The following RING1 variants were observed in gnomAD, a reference collection of about 807,000 sequenced individuals.
The protein encoded by RING1 is E3 ubiquitin-protein ligase RING1.
Under a neutral mutation model 35.0 loss-of-function variants are expected in RING1, and 8 were observed. The observed-to-expected ratio is 0.23, with a 90% CI of 0.13 to 0.41. RING1 has a LOEUF of 0.41. Among genes scored for constraint, RING1 ranks in the 10% least tolerant of loss-of-function variants. RING1 has a pLI of 1.00. For missense variants in RING1, 343 were observed against 546.8 expected (o/e 0.63, Z 3.72); for synonymous variants, 214 against 224.3 (o/e 0.95, Z 0.41).
chr6:33,212,639 G>T lies in RING1; in HGVS notation c.*240G>T. The T allele has an allele frequency of 2.4e-6, 1 of 418,914 alleles. No individual in the cohort carries two copies. The highest frequency in any genetic ancestry group is 3.5e-5 in the East Asian group (1 of 28,382). The allele number at this position is 418,914 out of a possible 1,614,324, so 25.9% of individuals were successfully genotyped here. A position where few individuals can be genotyped will look rare whatever the true frequency, so the allele number is the denominator to read the frequency against. On this transcript the variant is annotated 3_prime_UTR_variant, in exon 7 of 7. Coordinates refer to ENST00000374656, the MANE Select transcript of RING1 (RefSeq NM_002931.4). The stretch of plus-strand genomic sequence containing the variant: ...TTGCCCTGCAACGTCCCATCTATAC[G>T]AGGTGTTGGAGAAGGTGAAGAACCC...
At position 33,211,681 on chromosome 6, in the gene RING1, C is replaced by T; in HGVS notation, c.846-48C>T. ...TTTTGGAAAGCCCCTACCTCCAGTC[C>T]TCATCTGAGGCGCTCTGGCTCTAAG... is the stretch of plus-strand genomic sequence containing the variant. On this transcript the variant is annotated intron_variant, in intron 5 of 6. Transcript: ENST00000374656. The surrounding 1 kb of genome is among the most constrained non-coding windows in gnomAD (Gnocchi z 6.3). 1 of 1,535,740 alleles carries T rather than the reference C, an allele frequency of 6.5e-7. No individual in the cohort carries two copies. The highest frequency in any genetic ancestry group is 8.7e-7 in the Non-Finnish European group (1 of 1,143,404).
rs1331451943 is a variant in RING1, at chr6:33,211,458, C to T, written c.756C>T (p.Ala252=). The part of the protein sequence containing the change: ...GTLGPPSPPG[A]PSPPEPGGEI... ...TGGGCCCCCCAAGCCCTCCTGGGGC[C>T]CCCAGCCCCCCAGAGCCAGGTGGAG... Residue 252 remains alanine (A), a synonymous_variant, in exon 5 of 7, where the codon GCC becomes GCT. Transcript: ENST00000374656. The surrounding 1 kb of genome is among the most constrained non-coding windows in gnomAD (Gnocchi z 6.3). 6.9e-6 allele frequency: 11 copies of T among 1,597,054 alleles called. No homozygotes were observed. The highest frequency in any genetic ancestry group is 8.5e-6 in the Non-Finnish European group (10 of 1,171,066).
chr6:33,211,437 C>A lies in RING1; in HGVS notation c.735C>A (p.Gly245=), dbSNP rs1775529122. 6.3e-7 allele frequency: 1 copy of A among 1,576,452 alleles called. No individual in the cohort carries two copies. The highest frequency in any genetic ancestry group is 2.3e-5 in the East Asian group (1 of 42,934). The change falls in exon 5 of 7, where the codon GGC becomes GGA. Residue 245 remains glycine, a synonymous_variant. Coordinates refer to ENST00000374656, the MANE Select transcript of RING1 (RefSeq NM_002931.4). This position sits in a 1 kb window ranked among gnomAD's most constrained non-coding sequence, Gnocchi z 6.3. ...RGGTLGGGTL[G]PPSPPGAPSP... ...GGACTCTGGGAGGGGGAACGCTGGG[C>A]CCCCCAAGCCCTCCTGGGGCCCCCA...
At chr6:33,212,100 T>C in intron 6 of RING1, 98 bp downstream of exon 6, 1 of 985,896 alleles carries the variant, frequency 1.0e-6, no homozygotes, top group East Asian at 2.6e-5. Flanking sequence ...TCAGCACTCT[T>C]CCCCTATACA....
At position 33,212,663 on chromosome 6, in the gene RING1, C is replaced by T; in HGVS notation, c.*264C>T. 5.2e-6 allele frequency: 2 copies of T among 382,016 alleles called. No homozygotes were observed. Among genetic ancestry groups the T allele is most frequent in the Non-Finnish European group, 9.3e-6 (2 of 215,126 alleles). The allele number at this position is 382,016 out of a possible 1,614,324, so 23.7% of individuals were successfully genotyped here. On this transcript the variant is annotated 3_prime_UTR_variant, in exon 7 of 7. Transcript: ENST00000374656. ...CGAGGTGTTGGAGAAGGTGAAGAAC[C>T]CTCCCATTCACGCCCGCCTACCAAC...
chr6:33,208,741 T>G lies in RING1; in HGVS notation c.-58-24T>G. 1.9e-6 allele frequency: 2 copies of G among 1,030,870 alleles called. No homozygotes were observed. Among genetic ancestry groups the G allele is most frequent in the Non-Finnish European group, 2.8e-6 (2 of 726,994 alleles). 63.9% of individuals were successfully genotyped at this position (1,030,870 alleles called of 1,614,324 possible). A position where few individuals can be genotyped will look rare whatever the true frequency, so the allele number is the denominator to read the frequency against. ...GCGAGGGGCGGCCCCCCTGACGCCCTCCTCCCCTTCCCCCCACCCCCAGCC... is the reference window on the plus strand; with the variant it reads ...GCGAGGGGCGGCCCCCCTGACGCCCGCCTCCCCTTCCCCCCACCCCCAGCC... On this transcript the variant is annotated intron_variant, in intron 1 of 6. Transcript: ENST00000374656. The surrounding 1 kb of genome is among the most constrained non-coding windows in gnomAD (Gnocchi z 6.2).
At chr6:33,210,441 A>C (rs1341997880) in intron 4 of RING1, among the ~76,000 whole-genome samples, 1 of 152,030 alleles carries the variant, frequency 6.6e-6, no homozygotes, top group Non-Finnish European at 1.5e-5. Flanking sequence ...TCTCTACAAC[A>C]AATTAAACAT....
chr6:33,211,308 A>T lies in RING1; in HGVS notation c.606A>T (p.Arg202=), dbSNP rs576041574. 1 of 1,469,026 alleles carries T rather than the reference A, an allele frequency of 6.8e-7. No individual in the cohort carries two copies. The highest frequency in any genetic ancestry group is 1.6e-5 in the African/African-American group (1 of 63,016). 91.0% of individuals were successfully genotyped at this position (1,469,026 alleles called of 1,614,324 possible). The change falls in exon 5 of 7, where the codon CGA becomes CGT. Residue 202 remains arginine, a synonymous_variant. Transcript: ENST00000374656. This position sits in a 1 kb window ranked among gnomAD's most constrained non-coding sequence, Gnocchi z 6.3. ...CTGCCCCAGGCCCTGCTCCCAAGCGACCCCGTGGAGGGGGCGCAGGGGGGA... is the reference window on the plus strand; with the variant it reads ...CTGCCCCAGGCCCTGCTCCCAAGCGTCCCCGTGGAGGGGGCGCAGGGGGGA... ...PDSAPGPAPK[R]PRGGGAGGSS...
chr6:33,210,231 C>T, intron 4 of RING1, 101 bp downstream of exon 4: 2 of 1,039,548 alleles, frequency 1.9e-6, no homozygotes, highest in Non-Finnish European at 1.4e-6. Context: ...GAGCTGACCA[C>T]AGACTGATCA....
intron 6 of RING1, 130 bp downstream of exon 6, chr6:33,212,132 C>G: frequency 1.2e-6 from 1 of 850,690 alleles, no homozygotes; most frequent in Non-Finnish European, 1.8e-6. Context: ...TTTCTATGTC[C>G]CCTCTCCTTT....
chr6:33,209,006 C>T lies in RING1; in HGVS notation c.78+106C>T, dbSNP rs1424920145. On this transcript the variant is annotated intron_variant, in intron 2 of 6. Coordinates refer to ENST00000374656, the MANE Select transcript of RING1 (RefSeq NM_002931.4). The surrounding 1 kb of genome is among the most constrained non-coding windows in gnomAD (Gnocchi z 5.1). ...CGTAATTTGCTCTATTCTGCCTTGCCTGGCCCTACCTTTGAATCACCTTAA... is the reference window on the plus strand; with the variant it reads ...CGTAATTTGCTCTATTCTGCCTTGCTTGGCCCTACCTTTGAATCACCTTAA... 4 of 929,326 alleles carry T rather than the reference C, an allele frequency of 4.3e-6. No individual in the cohort carries two copies. The highest frequency in any genetic ancestry group is 1.6e-5 in the African/African-American group (1 of 61,378). The allele number at this position is 929,326 out of a possible 1,614,324, so 57.6% of individuals were successfully genotyped here. A position where few individuals can be genotyped will look rare whatever the true frequency, so the allele number is the denominator to read the frequency against.
In RING1 at chr6:33,209,136, A is replaced by T; in HGVS notation, c.78+236A>T. 2.9e-6 allele frequency: 2 copies of T among 696,066 alleles called. No individual in the cohort carries two copies. 43.1% of individuals were successfully genotyped at this position (696,066 alleles called of 1,614,324 possible). A position where few individuals can be genotyped will look rare whatever the true frequency, so the allele number is the denominator to read the frequency against. On this transcript the variant is annotated intron_variant, in intron 2 of 6. Coordinates refer to ENST00000374656, the MANE Select transcript of RING1 (RefSeq NM_002931.4). This position sits in a 1 kb window ranked among gnomAD's most constrained non-coding sequence, Gnocchi z 5.1. Reference sequence around the variant, plus strand: ...CTTCATTTGAAAGATCACAAACACAAAAATTACCTTCCCTGTTCCTCATTC... The same window carrying T: ...CTTCATTTGAAAGATCACAAACACATAAATTACCTTCCCTGTTCCTCATTC...
At chr6:33,212,039 A>G in intron 6 of RING1, 37 bp downstream of exon 6, 1 of 1,464,102 alleles carries the variant, frequency 6.8e-7, no homozygotes, top group Non-Finnish European at 9.1e-7. Context: ...AAGAGGGGAG[A>G]GGAGGGAGGG....
At chr6:33,210,240 C>A in intron 4 of RING1, 110 bp downstream of exon 4, 1 of 930,150 alleles carries the variant, frequency 1.1e-6, no homozygotes, top group Non-Finnish European at 1.7e-6. Context: ...ACAGACTGAT[C>A]ATTAGGGCTG....
In RING1 at chr6:33,208,887, A is replaced by T. The variant is rs1403500800; in HGVS notation, c.65A>T (p.His22Leu). 1 of 1,612,234 alleles carries T rather than the reference A, an allele frequency of 6.2e-7. No homozygotes were observed. The highest frequency in any genetic ancestry group is 8.5e-7 in the Non-Finnish European group (1 of 1,179,732). ...TGGGAACTGAGTCTGTATGAGCTGC[A>T]CCGGACCCCGCAGGTGACAGGCATT... The part of the protein sequence containing the change: ...KTWELSLYEL[H>L]RTPQEAIMDG... Residue 22 changes from histidine (H) to leucine (L), a missense_variant, in exon 2 of 7, where the codon CAC (histidine) becomes CTC (leucine). Coordinates refer to ENST00000374656, the MANE Select transcript of RING1 (RefSeq NM_002931.4). The surrounding 1 kb of genome is among the most constrained non-coding windows in gnomAD (Gnocchi z 6.2).
In RING1 at chr6:33,211,416, T is replaced by C. The variant is rs1194563948; in HGVS notation, c.714T>C (p.Thr238=). The C allele has an allele frequency of 4.5e-6, 7 of 1,562,290 alleles. No individual in the cohort carries two copies. The highest frequency in any genetic ancestry group is 3.8e-5 in the Admixed American group (2 of 52,230). Reference sequence around the variant, plus strand: ...AAGACTCTGGTGACCGGGGAGGGACTCTGGGAGGGGGAACGCTGGGCCCCC... The same window carrying C: ...AAGACTCTGGTGACCGGGGAGGGACCCTGGGAGGGGGAACGCTGGGCCCCC... ...GSEDSGDRGG[T]LGGGTLGPPS... is the part of the protein sequence containing the mutation. The change falls in exon 5 of 7, where the codon ACT becomes ACC. Residue 238 remains threonine (T), a synonymous_variant. Coordinates refer to ENST00000374656, the MANE Select transcript of RING1 (RefSeq NM_002931.4). This position sits in a 1 kb window ranked among gnomAD's most constrained non-coding sequence, Gnocchi z 6.3.
rs548325369 is a variant in RING1 at position 33,211,494 on chromosome 6, C to T, written c.792C>T (p.Leu264=). The T allele has an allele frequency of 2.0e-5, 32 of 1,612,122 alleles. No homozygotes were observed. The highest frequency in any genetic ancestry group is 1.3e-4 in the South Asian group (12 of 91,024). The stretch of plus-strand genomic sequence containing the variant: ...CAGAGCCAGGTGGAGAAATTGAGCT[C>T]GTGTTCCGGCCCCACCCCCTGCTCG... ...SPPEPGGEIE[L]VFRPHPLLVE... The change falls in exon 5 of 7, where the codon CTC becomes CTT. Residue 264 remains leucine, a synonymous_variant. Coordinates refer to ENST00000374656, the MANE Select transcript of RING1 (RefSeq NM_002931.4). The surrounding 1 kb of genome is among the most constrained non-coding windows in gnomAD (Gnocchi z 6.3).
In RING1 at chr6:33,209,231, A is replaced by G. The variant is rs1185056338; in HGVS notation, c.78+331A>G. The G allele has an allele frequency of 1.4e-5, 8 of 586,904 alleles. No individual in the cohort carries two copies. The highest frequency in any genetic ancestry group is 2.5e-5 in the Non-Finnish European group (8 of 323,026). 36.4% of individuals were successfully genotyped at this position (586,904 alleles called of 1,614,324 possible). A position where few individuals can be genotyped will look rare whatever the true frequency, so the allele number is the denominator to read the frequency against. On this transcript the variant is annotated intron_variant, in intron 2 of 6. Transcript: ENST00000374656. The surrounding 1 kb of genome is among the most constrained non-coding windows in gnomAD (Gnocchi z 5.1). ...TAAAAGCAGAGCTTCATGCCCCCCA[A>G]CATTCTGATTCAGTAGTGAATTGGG...
chr6:33,211,658 T>C lies in RING1; in HGVS notation c.846-71T>C. 1.3e-6 allele frequency: 2 copies of C among 1,539,170 alleles called. No individual in the cohort carries two copies. Among genetic ancestry groups the C allele is most frequent in the Non-Finnish European group, 1.7e-6 (2 of 1,146,344 alleles). ...ATACCACCCCAACCCAGAATCCATT[T>C]TGGAAAGCCCCTACCTCCAGTCCTC... On this transcript the variant is annotated intron_variant, in intron 5 of 6. Coordinates refer to ENST00000374656, the MANE Select transcript of RING1 (RefSeq NM_002931.4). The surrounding 1 kb of genome is among the most constrained non-coding windows in gnomAD (Gnocchi z 6.3).
Sources: allele counts gnomAD v4.1 joint callset (sites outside exome capture counted in the v4.1 genomes callset), GRCh38; gene constraint gnomAD v4.1.1; non-coding constraint Gnocchi (gnomAD v3.1); transcripts MANE v1.5; gene names NCBI Gene and HGNC (gene_info 2026-07-23, HGNC 2026-07-21).